Variants in NRG2 observed in about 807,000 individuals in gnomAD.
NRG2 encodes the protein pro-neuregulin-2, membrane-bound isoform.
In NRG2, 27 loss-of-function variants were observed where a neutral mutation model predicts 73.9. That is an observed-to-expected ratio of 0.37 (90% CI 0.27 to 0.50). The LOEUF is 0.50. NRG2 is among the 20% of genes least tolerant of loss of function. The pLI is 0.96. For missense variants in NRG2, 1,126 were observed against 1,210.1 expected, an observed-to-expected ratio of 0.93 and a Z score of 1.03; for synonymous variants, 532 against 541.0, an observed-to-expected ratio of 0.98 and a Z score of 0.23.
intron 1 of NRG2, among the ~76,000 whole-genome samples, chr5:139,909,306 G>T (rs534138987): frequency 6.6e-6 from 1 of 152,262 alleles, no homozygotes; most frequent in Non-Finnish European, 1.5e-5. Flanking sequence ...TTCAGTGAAA[G>T]GGGAAAAAAC....
intron 1 of NRG2, among the ~76,000 whole-genome samples, chr5:140,006,003 A>T (rs1481386780): frequency 2.0e-5 from 3 of 152,226 alleles, no homozygotes; most frequent in Admixed American, 2.0e-4. Context: ...AGGCTCTGAA[A>T]ATCAGTGCTT....
intron 5 of NRG2, chr5:139,861,681 T>C (rs1274993487): frequency 7.9e-6 from 4 of 504,946 alleles, no homozygotes; most frequent in Non-Finnish European, 1.2e-5. Context: ...TTGCCGTAAG[T>C]ACAGTTTGTC....
In NRG2 at chr5:139,985,201, G is replaced by A. The variant is rs187098556; in HGVS notation, c.700+57169C>T. Among the ~76,000 whole-genome samples, 7 of 152,088 alleles carry A rather than the reference G, an allele frequency of 4.6e-5. No homozygotes were observed. The East Asian group carries it at 1.2e-3, about 25-fold the overall frequency. On this transcript the variant is annotated intron_variant, in intron 1 of 9. Coordinates refer to ENST00000361474, the MANE Select transcript of NRG2 (RefSeq NM_004883.3). ...CTATAAATATAAAAATTAGCCAGGT[G>A]TGGTGGCACACACCTGTAATCCCAG...
chr5:139,947,661 C>T (rs1452711093), intron 1 of NRG2, among the ~76,000 whole-genome samples: 1 of 152,166 alleles, frequency 6.6e-6, no homozygotes, highest in Non-Finnish European at 1.5e-5. Flanking sequence ...ATCTTATATT[C>T]CTATTAGTAG....
chr5:139,932,421 T>TTA (rs573176628), intron 1 of NRG2, among the ~76,000 whole-genome samples: 247 of 151,004 alleles, frequency 1.6e-3, no homozygotes, highest in Middle Eastern at 3.4e-3. Context: ...TTTTTTTTTT[T>TTA]AAAAAAAGCT....
rs1800954 is a variant in NRG2 at position 139,865,501 on chromosome 5, A to G, written c.1189+48T>C. On this transcript the variant is annotated intron_variant, in intron 5 of 9. Transcript: ENST00000361474. This position sits in a 1 kb window ranked among gnomAD's most constrained non-coding sequence, Gnocchi z 5.2. ...GCCCTACATTGGGGGGACTGCACCC[A>G]GAAGCTTTCTAAGGAGCAGGGACTT... 205,965 of 1,489,122 alleles carry G rather than the reference A, an allele frequency of 0.14. 20,057 individuals are homozygous for G. Among genetic ancestry groups the G allele is most frequent in the African/African-American group, 0.5 (35,915 of 72,144 alleles). 92.2% of individuals were successfully genotyped at this position (1,489,122 alleles called of 1,614,324 possible).
rs1383991945 is a variant in NRG2, at chr5:139,870,224, GC to G, written c.1112+1496del. The stretch of plus-strand genomic sequence containing the variant: ...TAGGGTCTGTCATACTAACATGGCA[GC>G]CTCCTAGAGGCAGGAGGCGGGGAAG... On this transcript the variant is annotated intron_variant, in intron 4 of 9. Transcript: ENST00000361474. The surrounding 1 kb of genome is among the most constrained non-coding windows in gnomAD (Gnocchi z 4.4). 1.3e-5 allele frequency among the ~76,000 whole-genome samples: 2 copies of G among 150,076 alleles called. No individual in the cohort carries two copies. The highest frequency in any genetic ancestry group is 1.3e-4 in the Admixed American group (2 of 15,256).
intron 1 of NRG2, among the ~76,000 whole-genome samples, chr5:140,014,105 C>A (rs1244192820): frequency 6.6e-6 from 1 of 152,122 alleles, no homozygotes; most frequent in Non-Finnish European, 1.5e-5. Flanking sequence ...CCCTATCTTA[C>A]TCTCCACTTA....
intron 1 of NRG2, among the ~76,000 whole-genome samples, chr5:139,951,695 C>T (rs996555133): frequency 1.3e-5 from 2 of 152,224 alleles, no homozygotes; most frequent in Non-Finnish European, 2.9e-5. Flanking sequence ...TTTCTCAACT[C>T]CTAATTGTGT....
chr5:139,959,850 T>C (rs985096218), intron 1 of NRG2, among the ~76,000 whole-genome samples: 2 of 152,206 alleles, frequency 1.3e-5, no homozygotes, highest in Non-Finnish European at 2.9e-5. Flanking sequence ...GGCAGCGTCC[T>C]GTCAAAGAGC....
chr5:139,944,174 AT>A (rs1753619785), intron 1 of NRG2, among the ~76,000 whole-genome samples: 2 of 152,050 alleles, frequency 1.3e-5, no homozygotes, highest in Non-Finnish European at 2.9e-5. Flanking sequence ...TAAAAAAAAA[AT>A]GTTTCAACAC....
chr5:139,892,865 G>A (rs1764304495), intron 1 of NRG2, among the ~76,000 whole-genome samples: 1 of 152,198 alleles, frequency 6.6e-6, no homozygotes, highest in Non-Finnish European at 1.5e-5. Flanking sequence ...TTGGGCCCTT[G>A]AGTATTGAGC....
chr5:139,871,632 G>T (rs879209070), intron 4 of NRG2, 89 bp downstream of exon 4: 188 of 1,547,740 alleles, frequency 1.2e-4, no homozygotes, highest in Middle Eastern at 1.8e-4. Context: ...TCAGTGGCTT[G>T]GAACCCTCTT....
intron 2 of NRG2, among the ~76,000 whole-genome samples, chr5:139,885,552 G>A (rs527498241): frequency 2.0e-5 from 3 of 152,202 alleles, no homozygotes; most frequent in African/African-American, 7.2e-5. Flanking sequence ...GGTGGAGGGC[G>A]GAAGTGAGAT....
chr5:139,847,144 G>C lies in NRG2; in HGVS notation c.*773C>G, dbSNP rs1312183608. 2.0e-5 allele frequency: 3 copies of C among 152,238 alleles called. No homozygotes were observed. Among genetic ancestry groups the C allele is most frequent in the African/African-American group, 7.2e-5 (3 of 41,426 alleles). 9.4% of individuals were successfully genotyped at this position (152,238 alleles called of 1,614,324 possible). A position where few individuals can be genotyped will look rare whatever the true frequency, so the allele number is the denominator to read the frequency against. On this transcript the variant is annotated 3_prime_UTR_variant, in exon 10 of 10. Transcript: ENST00000361474. ...GGACATGCAGGTGTAAAATAGAAAAGACGACCTGTAAACGAAGGTGCTGCA... is the reference window on the plus strand; with the variant it reads ...GGACATGCAGGTGTAAAATAGAAAACACGACCTGTAAACGAAGGTGCTGCA...
rs1761056855 is a variant in NRG2 at position 139,847,300 on chromosome 5, G to A, written c.*617C>T. 1 of 151,814 alleles carries A rather than the reference G, an allele frequency of 6.6e-6. No individual in the cohort carries two copies. The highest frequency in any genetic ancestry group is 1.5e-5 in the Non-Finnish European group (1 of 68,044). 9.4% of individuals were successfully genotyped at this position (151,814 alleles called of 1,614,324 possible). ...CTCTGCCCCCCCTCCTTTAACAGCT[G>A]TGAGTAGCCAGGGCTTCCCCATTCG... On this transcript the variant is annotated 3_prime_UTR_variant, in exon 10 of 10. Coordinates refer to ENST00000361474, the MANE Select transcript of NRG2 (RefSeq NM_004883.3).
chr5:139,886,106 C>T (rs1319071069), intron 2 of NRG2, among the ~76,000 whole-genome samples: 4 of 152,150 alleles, frequency 2.6e-5, no homozygotes, highest in South Asian at 2.1e-4. Context: ...CCTTAGGAAG[C>T]GGCATTCTTT....
At chr5:140,020,208 A>C (rs1760113038) in intron 1 of NRG2, among the ~76,000 whole-genome samples, 1 of 152,272 alleles carries the variant, frequency 6.6e-6, no homozygotes, top group South Asian at 2.1e-4. Flanking sequence ...AACAATAAGA[A>C]TTGGTACTAA....
intron 1 of NRG2, among the ~76,000 whole-genome samples, chr5:139,952,756 G>C (rs570029459): frequency 6.6e-6 from 1 of 152,232 alleles, no homozygotes; most frequent in East Asian, 1.9e-4. Flanking sequence ...GGAGTGGGGC[G>C]GTGCGTGTGT....
Sources: allele counts gnomAD v4.1 joint callset (sites outside exome capture counted in the v4.1 genomes callset), GRCh38; gene constraint gnomAD v4.1.1; non-coding constraint Gnocchi (gnomAD v3.1); transcripts MANE v1.5; gene names NCBI Gene and HGNC (gene_info 2026-07-23, HGNC 2026-07-21).